PHACTR1: variants seen among roughly 807,000 people sequenced by gnomAD.
PHACTR1 encodes RPEL repeat containing 1.
Under a neutral mutation model 69.2 loss-of-function variants are expected in PHACTR1, and 16 were observed. The observed-to-expected ratio is 0.23, with a 90% CI of 0.16 to 0.35. The LOEUF (loss-of-function observed/expected upper bound fraction) is 0.35. Ranked by LOEUF, PHACTR1 falls within the 10% of genes least tolerant of loss-of-function variation. PHACTR1 has a pLI of 1.00. For synonymous variants in PHACTR1, 312 were observed against 284.5 expected, an observed-to-expected ratio of 1.10 and a Z score of -0.97; for missense variants, 510 against 734.7, an observed-to-expected ratio of 0.69 and a Z score of 3.54.
At chr6:12,997,683 G>A (rs1232512449) in intron 4 of PHACTR1, among the ~76,000 whole-genome samples, 3 of 152,084 alleles carry the variant, frequency 2.0e-5, no homozygotes, top group Non-Finnish European at 4.4e-5. Flanking sequence ...GGCCAGGAAC[G>A]GTGGCTCACG....
intron 10 of PHACTR1, among the ~76,000 whole-genome samples, chr6:13,233,337 G>GGATGCTTAAATACTGCTTGGAATTTGT (rs1423208434): frequency 4.3e-4 from 2 of 4,668 alleles, no homozygotes; most frequent in Non-Finnish European, 1.1e-3. Flanking sequence ...CCCCTTATAA[G>GGATGCTTAAATACTGCTTGGAATTTGT]GACATCCACT....
At chr6:13,048,114 TG>T (rs1294984830) in intron 4 of PHACTR1, among the ~76,000 whole-genome samples, 3 of 152,206 alleles carry the variant, frequency 2.0e-5, no homozygotes, top group Non-Finnish European at 4.4e-5. Flanking sequence ...TTGTCATAAG[TG>T]GGAGCCCAAA....
At chr6:12,999,443 T>C (rs1157407494) in intron 4 of PHACTR1, among the ~76,000 whole-genome samples, 4 of 151,996 alleles carry the variant, frequency 2.6e-5, no homozygotes, top group Non-Finnish European at 4.4e-5. Context: ...ACTAACAAAA[T>C]ACAAAAATTA....
At chr6:12,828,157 C>T (rs975159471) in intron 4 of PHACTR1, among the ~76,000 whole-genome samples, 5 of 152,062 alleles carry the variant, frequency 3.3e-5, no homozygotes, top group African/African-American at 7.2e-5. Context: ...GATTTTGCTG[C>T]GTATGAGGCC....
At chr6:13,170,221 A>G (rs1185244884) in intron 6 of PHACTR1, among the ~76,000 whole-genome samples, 1 of 152,250 alleles carries the variant, frequency 6.6e-6, no homozygotes. Context: ...TGTCTCATAG[A>G]TGAAAATTTG....
intron 12 of PHACTR1, among the ~76,000 whole-genome samples, chr6:13,282,377 G>A (rs1198547451): frequency 1.3e-5 from 2 of 152,160 alleles, no homozygotes; most frequent in Non-Finnish European, 2.9e-5. Context: ...GTAGAGGAAG[G>A]GTCTTCATGG....
At chr6:13,062,231 C>G (rs1304566384) in intron 5 of PHACTR1, among the ~76,000 whole-genome samples, 1 of 152,186 alleles carries the variant, frequency 6.6e-6, no homozygotes, top group Admixed American at 6.5e-5. Flanking sequence ...GTCTCAGGTA[C>G]TCAGGTGAGC....
chr6:12,775,242 GT>G (rs1769910293), intron 4 of PHACTR1, among the ~76,000 whole-genome samples: 1 of 152,080 alleles, frequency 6.6e-6, no homozygotes, highest in Non-Finnish European at 1.5e-5. Context: ...TTGTAACCCT[GT>G]GATAAATCAA....
intron 4 of PHACTR1, among the ~76,000 whole-genome samples, chr6:12,837,873 T>G: frequency 6.6e-6 from 1 of 152,212 alleles, no homozygotes; most frequent in East Asian, 1.9e-4. Flanking sequence ...AACAACATAT[T>G]TATCACCTCA....
At chr6:12,910,711 A>T (rs1186037394) in intron 4 of PHACTR1, among the ~76,000 whole-genome samples, 1 of 152,214 alleles carries the variant, frequency 6.6e-6, no homozygotes, top group African/African-American at 2.4e-5. Flanking sequence ...TGAGCAGGCC[A>T]TTCTCTAATC....
At chr6:13,262,795 T>A (rs1288128904) in intron 10 of PHACTR1, among the ~76,000 whole-genome samples, 2 of 152,236 alleles carry the variant, frequency 1.3e-5, no homozygotes, top group Admixed American at 6.5e-5. Flanking sequence ...TCTGTCATTC[T>A]CTGTGAGGAC....
intron 6 of PHACTR1, 81 bp from the exon 7 acceptor site, chr6:13,182,438 A>G (rs1762293580): frequency 1.4e-6 from 2 of 1,457,634 alleles, no homozygotes; most frequent in Non-Finnish European, 1.9e-6. Context: ...AGCAGCATCT[A>G]GACTCAGCAG....
At chr6:12,817,059 G>A (rs577436991) in intron 4 of PHACTR1, among the ~76,000 whole-genome samples, 4 of 152,272 alleles carry the variant, frequency 2.6e-5, no homozygotes, top group South Asian at 4.2e-4. Context: ...TGCATGTAAC[G>A]GCAGGATTTT....
At chr6:13,031,315 G>T (rs1208663276) in intron 4 of PHACTR1, among the ~76,000 whole-genome samples, 1 of 152,026 alleles carries the variant, frequency 6.6e-6, no homozygotes, top group Non-Finnish European at 1.5e-5. Context: ...GTCTATTTTA[G>T]GACTTAGCTG....
At chr6:12,811,696 A>G (rs545173997) in intron 4 of PHACTR1, among the ~76,000 whole-genome samples, 28 of 152,122 alleles carry the variant, frequency 1.8e-4, no homozygotes, top group African/African-American at 6.3e-4. Flanking sequence ...TTTTTATTCT[A>G]CCCCACACGG....
At chr6:13,019,095 A>G (rs1382807493) in intron 4 of PHACTR1, among the ~76,000 whole-genome samples, 1 of 137,842 alleles carries the variant, frequency 7.3e-6, no homozygotes, top group South Asian at 2.3e-4. Context: ...TTCTTTTTGT[A>G]GAGACAGGAT....
chr6:13,110,119 G>C (rs1426914940), intron 5 of PHACTR1, among the ~76,000 whole-genome samples: 1 of 151,796 alleles, frequency 6.6e-6, no homozygotes, highest in Non-Finnish European at 1.5e-5. Flanking sequence ...CATTATCTCT[G>C]TTATTTCTGC....
chr6:13,163,833 A>G (rs761269560), intron 6 of PHACTR1, among the ~76,000 whole-genome samples: 13 of 152,222 alleles, frequency 8.5e-5, no homozygotes, highest in Admixed American at 1.3e-4. Flanking sequence ...GAGATAGCAC[A>G]TATGAAATAG....
intron 4 of PHACTR1, among the ~76,000 whole-genome samples, chr6:12,860,939 C>A (rs1006654003): frequency 3.3e-5 from 5 of 152,162 alleles, no homozygotes; most frequent in African/African-American, 1.2e-4. Context: ...GCAAGTAAGG[C>A]AACACTATAA....
Sources: allele counts gnomAD v4.1 joint callset (sites outside exome capture counted in the v4.1 genomes callset), GRCh38; gene constraint gnomAD v4.1.1; transcripts MANE v1.5; gene names NCBI Gene and HGNC (gene_info 2026-07-23, HGNC 2026-07-21).